ESR1: variants seen among roughly 807,000 people sequenced by gnomAD.
ESR1 encodes estrogen receptor 1.
A neutral mutation model predicts 52.7 loss-of-function variants in ESR1; 12 were observed. That is an observed-to-expected ratio of 0.23 (90% CI 0.15 to 0.37). The LOEUF is 0.37. Ranked by LOEUF, ESR1 falls within the 10% of genes least tolerant of loss-of-function variation. The pLI is 1.00. For missense variants in ESR1, 584 were observed against 779.7 expected, an observed-to-expected ratio of 0.75 and a Z score of 2.99; for synonymous variants, 305 against 316.8, an observed-to-expected ratio of 0.96 and a Z score of 0.39.
In ESR1 at chr6:152,061,691, C is replaced by T. The variant is rs35823195; in HGVS notation, c.1369+567C>T. Among the ~76,000 whole-genome samples the T allele has an allele frequency of 7.7e-3, 1,167 of 152,280 alleles. 13 individuals are homozygous for T. Among genetic ancestry groups the T allele is most frequent in the African/African-American group, 0.027 (1,126 of 41,538 alleles). On this transcript the variant is annotated intron_variant, in intron 6 of 7. Coordinates refer to ENST00000206249, the MANE Select transcript of ESR1 (RefSeq NM_000125.4). The surrounding 1 kb of genome is among the most constrained non-coding windows in gnomAD (Gnocchi z 4.3). ...ATGAAGTCTGATTCTACTGCCCCTT[C>T]GTATTTATTTGTTTGAGAAAGCTTA...
intron 1 of ESR1, among the ~76,000 whole-genome samples, chr6:151,816,347 T>C (rs192663886): frequency 1.3e-5 from 2 of 152,350 alleles, no homozygotes; most frequent in African/African-American, 4.8e-5. Flanking sequence ...TATTCTGGCG[T>C]GACTCCTGTG....
At chr6:152,008,976 G>A (rs1187572614) in intron 4 of ESR1, among the ~76,000 whole-genome samples, 1 of 151,994 alleles carries the variant, frequency 6.6e-6, no homozygotes, top group Non-Finnish European at 1.5e-5. Flanking sequence ...CTATGAGATC[G>A]TGGGTATTGA....
intron 1 of ESR1, among the ~76,000 whole-genome samples, chr6:151,828,618 G>T (rs1027676586): frequency 4.6e-5 from 7 of 152,188 alleles, no homozygotes; most frequent in Non-Finnish European, 1.0e-4. Context: ...AGAGGTTAAA[G>T]TGTTCCAGAG....
At chr6:152,114,286 T>C (rs1203814193) in intron 6 of ESR1, among the ~76,000 whole-genome samples, 1 of 152,194 alleles carries the variant, frequency 6.6e-6, no homozygotes, top group Non-Finnish European at 1.5e-5. Context: ...AGTCTGCGAC[T>C]CAAGAACTGA....
At chr6:152,119,875 G>A (rs2051262178) in intron 6 of ESR1, among the ~76,000 whole-genome samples, 1 of 152,186 alleles carries the variant, frequency 6.6e-6, no homozygotes. Flanking sequence ...ATCATCTGGG[G>A]AAGAGCCACG....
intron 2 of ESR1, among the ~76,000 whole-genome samples, chr6:151,797,420 A>T (rs1776816806): frequency 6.6e-6 from 1 of 152,206 alleles, no homozygotes; most frequent in Non-Finnish European, 1.5e-5. Flanking sequence ...TGTTAGACTT[A>T]AACTTTTGGG....
intron 7 of ESR1, among the ~76,000 whole-genome samples, chr6:152,097,853 G>A (rs572473838): frequency 6.6e-6 from 1 of 152,292 alleles, no homozygotes; most frequent in African/African-American, 2.4e-5. Flanking sequence ...GAGGGTGTGA[G>A]TGTGTGCACG....
intron 2 of ESR1, among the ~76,000 whole-genome samples, chr6:151,879,616 TAAC>T (rs1792447543): frequency 6.6e-6 from 1 of 152,116 alleles, no homozygotes. Context: ...AAAATAACGG[TAAC>T]AACAACGAAC....
chr6:151,996,452 C>G (rs1216726842), intron 4 of ESR1, among the ~76,000 whole-genome samples: 4 of 152,074 alleles, frequency 2.6e-5, no homozygotes, highest in African/African-American at 9.7e-5. Flanking sequence ...AGCTTCATTT[C>G]TGTCTGTCTT....
chr6:151,863,950 T>C (rs1447221270), intron 2 of ESR1, among the ~76,000 whole-genome samples: 1 of 152,068 alleles, frequency 6.6e-6, no homozygotes, highest in Non-Finnish European at 1.5e-5. Context: ...ACTAAAACCA[T>C]AAAAACCCTA....
chr6:151,720,621 C>T (rs909338152), intron 2 of ESR1, among the ~76,000 whole-genome samples: 4 of 151,966 alleles, frequency 2.6e-5, no homozygotes, highest in African/African-American at 4.8e-5. Context: ...TTTTTGATCA[C>T]GAAACTCTTT....
At chr6:152,031,789 A>T (rs1321209125) in intron 5 of ESR1, among the ~76,000 whole-genome samples, 9 of 152,220 alleles carry the variant, frequency 5.9e-5, no homozygotes, top group Non-Finnish European at 7.3e-5. Context: ...AACTCATTTT[A>T]TGAGGCCAGC....
intron 4 of ESR1, among the ~76,000 whole-genome samples, chr6:151,962,780 A>G (rs2037823038): frequency 6.6e-6 from 1 of 152,006 alleles, no homozygotes; most frequent in East Asian, 1.9e-4. Flanking sequence ...GTTTTCTTTT[A>G]TGGGGTAAGG....
At chr6:151,684,963 G>C (rs571618046) in intron 1 of ESR1, among the ~76,000 whole-genome samples, 1 of 152,332 alleles carries the variant, frequency 6.6e-6, no homozygotes, top group South Asian at 2.1e-4. Context: ...CACTTTGTTT[G>C]TTCTGAGGGG....
At chr6:151,856,120 G>A (rs1324955716) in intron 2 of ESR1, among the ~76,000 whole-genome samples, 2 of 152,104 alleles carry the variant, frequency 1.3e-5, no homozygotes, top group African/African-American at 4.8e-5. Context: ...TTGTTTCTAG[G>A]ATGTGAGTGA....
At chr6:151,721,129 G>A (rs2128018473) in intron 2 of ESR1, among the ~76,000 whole-genome samples, 1 of 152,284 alleles carries the variant, frequency 6.6e-6, no homozygotes, top group East Asian at 1.9e-4. Context: ...TTTGTCCAAT[G>A]AAGTCTTTCA....
intron 5 of ESR1, among the ~76,000 whole-genome samples, chr6:152,050,699 G>A (rs1262503852): frequency 6.6e-6 from 1 of 152,194 alleles, no homozygotes; most frequent in African/African-American, 2.4e-5. Flanking sequence ...GAGACATGCT[G>A]TCCTTCTGGT....
At chr6:152,105,949 G>A (rs1313219517), downstream of ESR1, among the ~76,000 whole-genome samples, 3 of 149,092 alleles carry the variant, frequency 2.0e-5, no homozygotes, top group African/African-American at 4.9e-5. Context: ...CACCGCGCCC[G>A]GCTAATTTTT....
At chr6:151,798,321 A>G (rs1776905958) in intron 2 of ESR1, among the ~76,000 whole-genome samples, 1 of 152,200 alleles carries the variant, frequency 6.6e-6, no homozygotes, top group African/African-American at 2.4e-5. Context: ...CAGCATGATA[A>G]GGAAGTAGAT....
Sources: allele counts gnomAD v4.1 joint callset (sites outside exome capture counted in the v4.1 genomes callset), GRCh38; gene constraint gnomAD v4.1.1; non-coding constraint Gnocchi (gnomAD v3.1); transcripts MANE v1.5; gene names NCBI Gene and HGNC (gene_info 2026-07-23, HGNC 2026-07-21).